Variants in TFB1M observed in about 807,000 individuals in gnomAD.
The protein encoded by TFB1M is transcription factor B1, mitochondrial.
Under a neutral mutation model 31.1 loss-of-function variants are expected in TFB1M, and 27 were observed. The observed-to-expected ratio is 0.87, with a 90% CI of 0.64 to 1.20. The LOEUF is 1.20. Ranked by LOEUF, TFB1M falls within the 50% of genes most tolerant of loss-of-function variation. The pLI, the probability that TFB1M is intolerant of heterozygous loss-of-function variation, is 0.00. For missense variants in TFB1M, 394 were observed against 418.7 expected, an observed-to-expected ratio of 0.94 and a Z score of 0.51; for synonymous variants, 166 against 151.8, an observed-to-expected ratio of 1.09 and a Z score of -0.69.
the TFB1M span, among the ~76,000 whole-genome samples, chr6:155,242,392 A>T: frequency 6.6e-6 from 1 of 152,102 alleles, no homozygotes; most frequent in African/African-American, 2.4e-5. Flanking sequence ...GAAATTTTTG[A>T]CATCTATGTG....
At chr6:155,311,545 C>A (rs1345343670) in intron 1 of TFB1M, among the ~76,000 whole-genome samples, 1 of 152,166 alleles carries the variant, frequency 6.6e-6, no homozygotes, top group African/African-American at 2.4e-5. Context: ...TTGAACTGTA[C>A]CAGTCCCTTA....
chr6:155,252,090 C>A, downstream of TFB1M: 1 of 1,042,686 alleles, frequency 9.6e-7, no homozygotes, highest in Non-Finnish European at 1.4e-6. Flanking sequence ...CACTGAGCAC[C>A]AAGGCTGGGC....
the TFB1M span, chr6:155,248,091 G>A: frequency 3.2e-5 from 51 of 1,614,060 alleles, no homozygotes; most frequent in Admixed American, 1.2e-4. Flanking sequence ...TCATCAAGCC[G>A]GTTCAGAGAG....
chr6:155,252,922 T>A (rs1250379025), downstream of TFB1M: 1 of 1,600,220 alleles, frequency 6.2e-7, no homozygotes, highest in East Asian at 2.2e-5. Flanking sequence ...CCCTAACACT[T>A]TTCTTGGTGG....
Position 155,311,346 on chromosome 6 carries a change from GAAA to G in TFB1M, c.134-10_134-8del. The G allele has an allele frequency of 2.5e-6, 4 of 1,612,886 alleles. No homozygotes were observed. The highest frequency in any genetic ancestry group is 3.4e-6 in the Non-Finnish European group (4 of 1,179,030). ...GCTTTCCTTACAATCTTATCTAGAG[GAAA>G]AAGAGTTTTAGTTATCTCAATTAAC... On this transcript the variant is annotated splice_polypyrimidine_tract_variant and splice_region_variant and intron_variant, in intron 1 of 6. Transcript: ENST00000367166.
chr6:155,254,786 C>T (rs1396153927), downstream of TFB1M: 10 of 550,770 alleles, frequency 1.8e-5, no homozygotes, highest in East Asian at 1.8e-4. Context: ...TCTTCCTACC[C>T]GCTGACATAG....
chr6:155,282,935 G>T (rs1263253627), intron 5 of TFB1M, among the ~76,000 whole-genome samples: 2 of 152,002 alleles, frequency 1.3e-5, no homozygotes, highest in African/African-American at 4.8e-5. Context: ...CACCATGTTA[G>T]CCAGGATGGT....
chr6:155,307,490 C>T (rs1468751252), intron 2 of TFB1M, among the ~76,000 whole-genome samples: 1 of 152,108 alleles, frequency 6.6e-6, no homozygotes, highest in Non-Finnish European at 1.5e-5. Flanking sequence ...GACCCATCCA[C>T]TATCATGAGA....
At chr6:155,243,215 GTTTGAGA>G in the TFB1M span, among the ~76,000 whole-genome samples, 2 of 152,126 alleles carry the variant, frequency 1.3e-5, no homozygotes, top group Admixed American at 6.5e-5. Flanking sequence ...GAATATGTGA[GTTTGAGA>G]TTCTGTGAAT....
intron 4 of TFB1M, among the ~76,000 whole-genome samples, chr6:155,296,478 C>T (rs1399959315): frequency 1.4e-5 from 2 of 144,736 alleles, no homozygotes; most frequent in African/African-American, 2.6e-5. Flanking sequence ...CGGGGTTTCA[C>T]CATGTTGGCC....
At chr6:155,304,606 T>C (rs1335201532) in intron 2 of TFB1M, among the ~76,000 whole-genome samples, 4 of 151,832 alleles carry the variant, frequency 2.6e-5, no homozygotes, top group African/African-American at 9.7e-5. Context: ...CATGATGAAA[T>C]TGCTCAAAAA....
At chr6:155,286,167 G>C (rs113063685) in intron 4 of TFB1M, among the ~76,000 whole-genome samples, 2 of 152,086 alleles carry the variant, frequency 1.3e-5, no homozygotes, top group Non-Finnish European at 2.9e-5. Flanking sequence ...TTCGGTAAGT[G>C]ACACCGGTGT....
At chr6:155,255,238 A>G (rs887888325), downstream of TFB1M, 1 of 152,142 alleles carries the variant, frequency 6.6e-6, no homozygotes, top group Non-Finnish European at 1.5e-5. Flanking sequence ...CATATTATCA[A>G]CTTAACAATG....
At chr6:155,273,033 A>C (rs1785008890) in intron 5 of TFB1M, among the ~76,000 whole-genome samples, 1 of 152,252 alleles carries the variant, frequency 6.6e-6, no homozygotes, top group Non-Finnish European at 1.5e-5. Flanking sequence ...AAAATGTTCC[A>C]GCAACCCCAC....
chr6:155,302,724 C>A (rs1034988724), intron 2 of TFB1M, among the ~76,000 whole-genome samples: 2 of 152,152 alleles, frequency 1.3e-5, no homozygotes, highest in East Asian at 1.9e-4. Context: ...ATGTCATTAT[C>A]AAATCTTTCA....
At chr6:155,236,878 A>G in the TFB1M span, among the ~76,000 whole-genome samples, 2 of 152,138 alleles carry the variant, frequency 1.3e-5, no homozygotes, top group African/African-American at 4.8e-5. Context: ...GAGCTACAAG[A>G]TGGGATTTAG....
intron 2 of TFB1M, among the ~76,000 whole-genome samples, chr6:155,307,789 G>A (rs1172995430): frequency 6.6e-6 from 1 of 151,932 alleles, no homozygotes; most frequent in Non-Finnish European, 1.5e-5. Flanking sequence ...AACGATAGCA[G>A]ATGAGCTTAA....
Position 155,256,915 on chromosome 6 carries a change from C to T in TFB1M, c.*921G>A. The stretch of plus-strand genomic sequence containing the variant: ...CAAACTGGTCCGGGGGCACTTCTGC[C>T]CCATTAAACGAAAAGCCAACAGCAC... On this transcript the variant is annotated 3_prime_UTR_variant, in exon 7 of 7. Transcript: ENST00000367166. The T allele has an allele frequency of 6.2e-7, 1 of 1,614,120 alleles. No individual in the cohort carries two copies. The highest frequency in any genetic ancestry group is 1.1e-5 in the South Asian group (1 of 91,074).
downstream of TFB1M, chr6:155,254,045 T>G: frequency 6.2e-7 from 1 of 1,614,104 alleles, no homozygotes. Flanking sequence ...GAAACCATCT[T>G]TCAGTTGTGT....
Sources: gnomAD v4.1 joint callset for allele counts (sites outside exome capture counted in the v4.1 genomes callset) on GRCh38, gnomAD v4.1.1 for gene constraint, MANE v1.5 for transcripts, NCBI Gene and HGNC (gene_info 2026-07-23, HGNC 2026-07-21) for gene names.